Variants in RPAP2 observed in about 807,000 individuals in gnomAD.
RPAP2 encodes putative RNA polymerase II subunit B1 CTD phosphatase RPAP2.
Under a neutral mutation model 73.1 loss-of-function variants are expected in RPAP2, and 52 were observed. The ratio of observed to expected loss-of-function variants is 0.71; its 90% CI spans 0.57 to 0.90. RPAP2 has a LOEUF of 0.90. Among genes scored for constraint, RPAP2 ranks in the 40% least tolerant of loss-of-function variants. The pLI is 0.00. For missense variants in RPAP2, 598 were observed against 701.8 expected (o/e 0.85, Z 1.67); for synonymous variants, 225 against 242.1 (o/e 0.93, Z 0.65).
intron 3 of RPAP2, among the ~76,000 whole-genome samples, chr1:92,302,740 T>TAC (rs1282097796): frequency 6.6e-6 from 1 of 151,670 alleles, no homozygotes; most frequent in East Asian, 1.9e-4. Flanking sequence ...TAGCTGGGAC[T>TAC]GGGCGCCCAC....
intron 10 of RPAP2, among the ~76,000 whole-genome samples, chr1:92,341,102 A>G (rs9943178): frequency 0.58 from 88,265 of 151,860 alleles, 28,078 homozygotes; most frequent in East Asian, 0.96. Flanking sequence ...TCTGCCTCCC[A>G]GTCTCAAGCA....
At chr1:92,361,580 T>G (rs1018788264) in intron 11 of RPAP2, among the ~76,000 whole-genome samples, 1 of 152,158 alleles carries the variant, frequency 6.6e-6, no homozygotes, top group African/African-American at 2.4e-5. Flanking sequence ...ATGATTCATA[T>G]TTTCCCATGT....
intron 11 of RPAP2, among the ~76,000 whole-genome samples, chr1:92,374,192 A>C (rs1273607479): frequency 6.6e-6 from 1 of 152,184 alleles, no homozygotes; most frequent in Non-Finnish European, 1.5e-5. Flanking sequence ...ATAAAGAATC[A>C]GGGGTAGGAG....
chr1:92,378,177 C>CTTTA (rs1170243355), intron 11 of RPAP2, among the ~76,000 whole-genome samples: 3 of 151,040 alleles, frequency 2.0e-5, no homozygotes, highest in Admixed American at 2.0e-4. Flanking sequence ...ATAAGTACCA[C>CTTTA]TTTATTTATT....
chr1:92,305,475 T>TG (rs1651164867), intron 5 of RPAP2, among the ~76,000 whole-genome samples: 1 of 124,174 alleles, frequency 8.1e-6, no homozygotes, highest in Admixed American at 8.3e-5. Context: ...GATATAAACT[T>TG]GGGGTAGAGA....
chr1:92,302,105 A>C (rs1215391588), intron 3 of RPAP2, among the ~76,000 whole-genome samples: 4 of 152,068 alleles, frequency 2.6e-5, no homozygotes, highest in African/African-American at 9.7e-5. Flanking sequence ...ACATGGTGAA[A>C]CCTCGTTTCT....
At chr1:92,382,104 A>T (rs890965812) in intron 12 of RPAP2, among the ~76,000 whole-genome samples, 51 of 151,968 alleles carry the variant, frequency 3.4e-4, no homozygotes, top group African/African-American at 1.2e-3. Context: ...TGAACTCATC[A>T]TTTTTTATGG....
chr1:92,332,518 A>C (rs1181066031), intron 8 of RPAP2, among the ~76,000 whole-genome samples: 1 of 152,122 alleles, frequency 6.6e-6, no homozygotes, highest in Non-Finnish European at 1.5e-5. Flanking sequence ...AATTACAGAG[A>C]TAACTGGAGA....
intron 6 of RPAP2, among the ~76,000 whole-genome samples, chr1:92,313,117 T>G (rs990714045): frequency 1.3e-5 from 2 of 152,218 alleles, no homozygotes; most frequent in African/African-American, 4.8e-5. Context: ...TCCACGCACC[T>G]TGGCTTCCCA....
intron 11 of RPAP2, among the ~76,000 whole-genome samples, chr1:92,350,502 G>A (rs1024287672): frequency 8.5e-5 from 13 of 152,122 alleles, no homozygotes; most frequent in African/African-American, 2.7e-4. Context: ...ATCTGATTTT[G>A]TTCCTGGAAA....
chr1:92,330,602 ATGCC>A (rs1212995838), intron 8 of RPAP2, among the ~76,000 whole-genome samples: 2 of 151,552 alleles, frequency 1.3e-5, no homozygotes, highest in Non-Finnish European at 2.9e-5. Context: ...CACCCGTGCC[ATGCC>A]TGCCTAACTT....
At chr1:92,357,094 T>TAC (rs34488806) in intron 11 of RPAP2, among the ~76,000 whole-genome samples, 68,989 of 144,582 alleles carry the variant, frequency 0.48, 16,954 homozygotes, top group East Asian at 0.93. Flanking sequence ...AAGGATTACA[T>TAC]ACACACACAC....
At chr1:92,336,067 A>G (rs1454370038) in intron 9 of RPAP2, among the ~76,000 whole-genome samples, 1 of 152,074 alleles carries the variant, frequency 6.6e-6, no homozygotes, top group African/African-American at 2.4e-5. Context: ...TTTGAAAATA[A>G]ACAGGTAAGT....
In RPAP2 at chr1:92,399,406, A is replaced by G. The variant is rs1656261189; in HGVS notation, c.*12395A>G. ...TTCTGGGTGACCCTTCACCCAACCA[A>G]GCTCATAAGGACTTGTGACAAAAAT... On this transcript the variant is annotated 3_prime_UTR_variant, in exon 13 of 13. Coordinates refer to ENST00000610020, the MANE Select transcript of RPAP2 (RefSeq NM_024813.3). 7.0e-6 allele frequency: 1 copy of G among 142,700 alleles called. No homozygotes were observed. The highest frequency in any genetic ancestry group is 1.5e-5 in the Non-Finnish European group (1 of 66,578). 8.8% of individuals were successfully genotyped at this position (142,700 alleles called of 1,614,324 possible).
At chr1:92,334,150 G>T (rs1191166368) in intron 9 of RPAP2, among the ~76,000 whole-genome samples, 1 of 152,020 alleles carries the variant, frequency 6.6e-6, no homozygotes, top group Non-Finnish European at 1.5e-5. Flanking sequence ...ATTATTTAAG[G>T]GTTGTGAATA....
chr1:92,317,236 C>T (rs188592585), intron 6 of RPAP2, among the ~76,000 whole-genome samples: 18 of 152,228 alleles, frequency 1.2e-4, no homozygotes, highest in African/African-American at 4.1e-4. Flanking sequence ...AGGCTCGGTG[C>T]GGTGGCTCAC....
rs553160288 is a variant in RPAP2, at chr1:92,304,413, A to G, written c.399+64A>G. 294 of 815,382 alleles carry G rather than the reference A, an allele frequency of 3.6e-4. 1 individual carries two copies. The highest frequency in any genetic ancestry group is 1.7e-3 in the Middle Eastern group (6 of 3,608). 50.5% of individuals were successfully genotyped at this position (815,382 alleles called of 1,614,324 possible). On this transcript the variant is annotated intron_variant, in intron 5 of 12. Transcript: ENST00000610020. ...TTCTTTACTAACCACTATCCTAACA[A>G]GGCATGGCAATTAATTTTTAATGAT...
At chr1:92,324,447 C>T in intron 8 of RPAP2, 72 bp downstream of exon 8, 2 of 1,150,594 alleles carry the variant, frequency 1.7e-6, no homozygotes, top group Non-Finnish European at 2.5e-6. Context: ...AATCTTGGAG[C>T]AGGAAGGATA....
rs1656134781 is a variant in RPAP2 at position 92,394,478 on chromosome 1, A to AAAAATAATT, written c.*7469_*7477dup. ...AACCCAGAACTTAAAGTATAATAAAAAAAATAATTATTAAATTTTAAAAAA... is the reference window on the plus strand; with the variant it reads ...AACCCAGAACTTAAAGTATAATAAAAAAAATAATTAAAATAATTATTAAATTTTAAAAAA... On this transcript the variant is annotated 3_prime_UTR_variant, in exon 13 of 13. Transcript: ENST00000610020. 1.3e-5 allele frequency: 2 copies of AAAAATAATT among 152,158 alleles called. No individual in the cohort carries two copies. The highest frequency in any genetic ancestry group is 2.9e-5 in the Non-Finnish European group (2 of 68,038). The allele number at this position is 152,158 out of a possible 1,614,324, so 9.4% of individuals were successfully genotyped here. A position where few individuals can be genotyped will look rare whatever the true frequency, so the allele number is the denominator to read the frequency against.
Sources: allele counts gnomAD v4.1 joint callset (sites outside exome capture counted in the v4.1 genomes callset), GRCh38; gene constraint gnomAD v4.1.1; transcripts MANE v1.5; gene names NCBI Gene and HGNC (gene_info 2026-07-23, HGNC 2026-07-21).